CHN1: variants seen among roughly 807,000 people sequenced by gnomAD.
The protein encoded by CHN1 is chimerin 1, also known as N-chimaerin.
A neutral mutation model predicts 59.5 loss-of-function variants in CHN1; 37 were observed. The ratio of observed to expected loss-of-function variants is 0.62; its 90% CI spans 0.48 to 0.82. The LOEUF is 0.82. Among genes scored for constraint, CHN1 ranks in the 40% least tolerant of loss-of-function variants. CHN1 has a pLI of 0.00. For synonymous variants in CHN1, 206 were observed against 200.4 expected (o/e 1.03, Z -0.24); for missense variants, 469 against 571.0 (o/e 0.82, Z 1.82).
intron 5 of CHN1, among the ~76,000 whole-genome samples, chr2:174,900,661 C>T (rs949571933): frequency 6.6e-5 from 10 of 152,112 alleles, no homozygotes; most frequent in African/African-American, 1.7e-4. Context: ...CAAAATTAGC[C>T]GGGCGTGGTG....
At chr2:174,878,369 ATTTT>A (rs750192794) in intron 5 of CHN1, among the ~76,000 whole-genome samples, 1 of 152,080 alleles carries the variant, frequency 6.6e-6, no homozygotes, top group Non-Finnish European at 1.5e-5. Flanking sequence ...CATAGAAATA[ATTTT>A]TTTTATTTAT....
intron 1 of CHN1, 76 bp downstream of exon 1, chr2:175,004,818 A>AGGCCCCCC (rs1692008268): frequency 1.0e-6 from 1 of 955,782 alleles, no homozygotes; most frequent in Non-Finnish European, 1.3e-6. Context: ...CCGGGCGCCC[A>AGGCCCCCC]GGCCCCCCAG....
chr2:175,005,148 C>A lies in CHN1; in HGVS notation c.-236G>T, dbSNP rs1377109836. On this transcript the variant is annotated 5_prime_UTR_variant, in exon 1 of 13. Coordinates refer to ENST00000409900, the MANE Select transcript of CHN1 (RefSeq NM_001822.7). ...GGCCCAGGGAGCCCCGCTAGCTCTC[C>A]GCGAGCCGGCACTTGTCGCTGCCAT... is the stretch of plus-strand genomic sequence containing the variant. 7.8e-7 allele frequency: 1 copy of A among 1,289,574 alleles called. No homozygotes were observed. Among genetic ancestry groups the A allele is most frequent in the Non-Finnish European group, 9.8e-7 (1 of 1,016,306 alleles). 79.9% of individuals were successfully genotyped at this position (1,289,574 alleles called of 1,614,324 possible). A position where few individuals can be genotyped will look rare whatever the true frequency, so the allele number is the denominator to read the frequency against.
chr2:174,883,606 A>AG (rs1171590011), intron 5 of CHN1, among the ~76,000 whole-genome samples: 4 of 152,166 alleles, frequency 2.6e-5, no homozygotes, highest in Non-Finnish European at 5.9e-5. Context: ...CAGTCAGCCA[A>AG]GGGCCACCTG....
chr2:175,005,106 T>G lies in CHN1; in HGVS notation c.-194A>C. On this transcript the variant is annotated 5_prime_UTR_variant, in exon 1 of 13. It removes the in-frame stop codon of an upstream open reading frame in the 5' UTR. Coordinates refer to ENST00000409900, the MANE Select transcript of CHN1 (RefSeq NM_001822.7). Reference sequence around the variant, plus strand: ...CTGCAAGAAAAAGTTATTCACGCGTTATTGTCGGGCGCACCGGGCCCAGGG... The same window carrying G: ...CTGCAAGAAAAAGTTATTCACGCGTGATTGTCGGGCGCACCGGGCCCAGGG... 10 of 1,303,858 alleles carry G rather than the reference T, an allele frequency of 7.7e-6. No individual in the cohort carries two copies. The highest frequency in any genetic ancestry group is 3.9e-6 in the Non-Finnish European group (4 of 1,023,166). 80.8% of individuals were successfully genotyped at this position (1,303,858 alleles called of 1,614,324 possible). A position where few individuals can be genotyped will look rare whatever the true frequency, so the allele number is the denominator to read the frequency against.
At chr2:174,930,871 T>C (rs1028410684) in intron 3 of CHN1, among the ~76,000 whole-genome samples, 5 of 152,110 alleles carry the variant, frequency 3.3e-5, no homozygotes, top group Non-Finnish European at 4.4e-5. Context: ...TTTTATGCCA[T>C]TCTCCTGCCT....
At chr2:174,866,090 CAT>C (rs1455531651) in intron 6 of CHN1, among the ~76,000 whole-genome samples, 2 of 152,146 alleles carry the variant, frequency 1.3e-5, no homozygotes, top group African/African-American at 2.4e-5. Context: ...CAGGACATAA[CAT>C]GTGATAAAGC....
chr2:174,921,074 G>A, intron 3 of CHN1: 1 of 385,918 alleles, frequency 2.6e-6, no homozygotes, highest in South Asian at 1.8e-5. Flanking sequence ...AGGCAATAAT[G>A]TGGGCAATGG....
At chr2:174,858,566 GATA>G (rs1686974874) in intron 6 of CHN1, among the ~76,000 whole-genome samples, 1 of 152,090 alleles carries the variant, frequency 6.6e-6, no homozygotes, top group African/African-American at 2.4e-5. Flanking sequence ...CGTTTTATAA[GATA>G]ATGATGTTTG....
intron 7 of CHN1, among the ~76,000 whole-genome samples, chr2:174,843,228 A>ATTATTTAT (rs78226248): frequency 3.6e-4 from 54 of 151,504 alleles, no homozygotes; most frequent in South Asian, 2.7e-3. Context: ...TGTAGCTTTT[A>ATTATTTAT]TTATTTATTT....
chr2:174,951,344 C>T (rs985638444), intron 2 of CHN1, among the ~76,000 whole-genome samples: 2 of 152,158 alleles, frequency 1.3e-5, no homozygotes, highest in Non-Finnish European at 2.9e-5. Context: ...ATCTGAATTG[C>T]TGTTCCTTCA....
At chr2:174,946,155 G>A (rs1440531582) in intron 2 of CHN1, among the ~76,000 whole-genome samples, 1 of 152,078 alleles carries the variant, frequency 6.6e-6, no homozygotes, top group Non-Finnish European at 1.5e-5. Context: ...TGCAAAATGG[G>A]ATTAATAATA....
At chr2:174,833,022 T>C (rs546634887) in intron 7 of CHN1, among the ~76,000 whole-genome samples, 1 of 152,152 alleles carries the variant, frequency 6.6e-6, no homozygotes, top group African/African-American at 2.4e-5. Context: ...ATATGACACA[T>C]GGTTATATTT....
In CHN1 at chr2:174,831,293, T is replaced by G. The variant is rs376911309; in HGVS notation, c.628-6775A>C. Among the ~76,000 whole-genome samples, 9 of 152,384 alleles carry G rather than the reference T, an allele frequency of 5.9e-5. No individual in the cohort carries two copies. In the East Asian group the frequency reaches 9.6e-4, roughly 16 times the overall value. On this transcript the variant is annotated intron_variant, in intron 7 of 12. Coordinates refer to ENST00000409900, the MANE Select transcript of CHN1 (RefSeq NM_001822.7). ...TATGGTTTCCTTTATGATCCATACA[T>G]TCCCAATCACCGCTATGTTTTTGAG...
At position 174,799,323 on chromosome 2, in the gene CHN1, T is replaced by G. The variant is rs550678139; in HGVS notation, c.*793A>C. On this transcript the variant is annotated 3_prime_UTR_variant, in exon 13 of 13. Transcript: ENST00000409900. ...AGTAAACAAAAGAGGTCAGAAGAAG[T>G]ACTCAGTATTTAATAAATGGCCAAA... is the stretch of plus-strand genomic sequence containing the variant. The G allele has an allele frequency of 2.6e-6, 1 of 377,914 alleles. No individual in the cohort carries two copies. Among genetic ancestry groups the G allele is most frequent in the East Asian group, 5.3e-5 (1 of 18,970 alleles). 23.4% of individuals were successfully genotyped at this position (377,914 alleles called of 1,614,324 possible).
At chr2:174,817,901 T>C (rs916636678) in intron 8 of CHN1, among the ~76,000 whole-genome samples, 4 of 152,280 alleles carry the variant, frequency 2.6e-5, no homozygotes, top group Middle Eastern at 3.4e-3. Context: ...CCTCCCAAAG[T>C]GCTGGGATTA....
chr2:174,812,215 A>ACAAC, intron 9 of CHN1, 94 bp downstream of exon 9: 1 of 970,954 alleles, frequency 1.0e-6, no homozygotes, highest in South Asian at 3.3e-5. Flanking sequence ...ATTACAGAAG[A>ACAAC]CAACCGTATT....
chr2:174,947,471 A>G (rs1004404365), intron 2 of CHN1, among the ~76,000 whole-genome samples: 3 of 144,636 alleles, frequency 2.1e-5, no homozygotes, highest in Non-Finnish European at 4.5e-5. Context: ...TATCTTTAAG[A>G]CTCTTTTTTT....
chr2:174,802,904 G>A (rs1684772512), intron 11 of CHN1, among the ~76,000 whole-genome samples: 1 of 152,134 alleles, frequency 6.6e-6, no homozygotes, highest in Non-Finnish European at 1.5e-5. Flanking sequence ...CAGGTGTGGT[G>A]GCGGGTGCCT....
Sources: gnomAD v4.1 joint callset for allele counts (sites outside exome capture counted in the v4.1 genomes callset) on GRCh38, gnomAD v4.1.1 for gene constraint, MANE v1.5 for transcripts, NCBI Gene and HGNC (gene_info 2026-07-23, HGNC 2026-07-21) for gene names.